ROBO2: variants seen among roughly 807,000 people sequenced by gnomAD.
ROBO2 encodes the protein roundabout homolog 2.
Under a neutral mutation model 160.8 loss-of-function variants are expected in ROBO2, and 53 were observed. That is an observed-to-expected ratio of 0.33 (90% CI 0.26 to 0.41). The LOEUF is 0.41. Among genes scored for constraint, ROBO2 ranks in the 10% least tolerant of loss-of-function variants. The probability of loss-of-function intolerance (pLI) is 1.00; values close to 1 mark genes in which losing one functional copy is unlikely to be tolerated. For synonymous variants in ROBO2, 664 were observed against 611.7 expected (o/e 1.09, Z -1.26); for missense variants, 1,577 against 1,722.4 (o/e 0.92, Z 1.49).
At position 77,553,961 on chromosome 3, in the gene ROBO2, A is replaced by T. The variant is rs531645656; in HGVS notation, c.1231+2972A>T. 7.2e-5 allele frequency among the ~76,000 whole-genome samples: 11 copies of T among 152,126 alleles called. No individual in the cohort carries two copies. In the East Asian group the frequency reaches 2.1e-3, roughly 30 times the overall value. On this transcript the variant is annotated intron_variant, in intron 8 of 25. Transcript: ENST00000461745. Reference sequence around the variant, plus strand: ...CTAAACAGATTTTCAATGTAGACAAAGCATGCATATATTGAAAGAAGATGT... The same window carrying T: ...CTAAACAGATTTTCAATGTAGACAATGCATGCATATATTGAAAGAAGATGT...
intron 2 of ROBO2, among the ~76,000 whole-genome samples, chr3:77,466,838 C>A (rs2082813024): frequency 6.6e-6 from 1 of 152,118 alleles, no homozygotes; most frequent in Admixed American, 6.5e-5. Flanking sequence ...TGTAATAATC[C>A]TTAGACTATT....
chr3:75,931,639 AC>A (rs560735288), intron 1 of ROBO2, among the ~76,000 whole-genome samples: 1 of 152,306 alleles, frequency 6.6e-6, no homozygotes, highest in South Asian at 2.1e-4. Flanking sequence ...GGCATAAGCC[AC>A]CACGCCCGGC....
intron 2 of ROBO2, among the ~76,000 whole-genome samples, chr3:76,923,956 G>C (rs2149007611): frequency 6.6e-6 from 1 of 152,288 alleles, no homozygotes; most frequent in Non-Finnish European, 1.5e-5. Context: ...AGGTAAATTG[G>C]AATCAATAGA....
intron 2 of ROBO2, among the ~76,000 whole-genome samples, chr3:76,135,524 T>C (rs2071397381): frequency 6.6e-6 from 1 of 152,140 alleles, no homozygotes; most frequent in Non-Finnish European, 1.5e-5. Context: ...CCACTCAACA[T>C]ATAATTTTGT....
chr3:76,605,950 C>T (rs758817467), intron 2 of ROBO2, among the ~76,000 whole-genome samples: 4 of 152,132 alleles, frequency 2.6e-5, no homozygotes, highest in African/African-American at 4.8e-5. Flanking sequence ...TTCAAGGATG[C>T]GGTAGACAGG....
intron 2 of ROBO2, among the ~76,000 whole-genome samples, chr3:77,458,991 A>G (rs142964765): frequency 0.01 from 1,592 of 152,274 alleles, 21 homozygotes; most frequent in Non-Finnish European, 0.013. Context: ...CATTGTGAGT[A>G]TTCAATTGAC....
intron 2 of ROBO2, among the ~76,000 whole-genome samples, chr3:76,125,294 A>G (rs575057352): frequency 1.8e-4 from 27 of 152,242 alleles, no homozygotes; most frequent in African/African-American, 6.0e-4. Context: ...TGTGGGTAGC[A>G]CAACAGTGAA....
At chr3:76,853,589 CTATTATGTT>C (rs2069662160) in intron 2 of ROBO2, among the ~76,000 whole-genome samples, 1 of 151,974 alleles carries the variant, frequency 6.6e-6, no homozygotes. Flanking sequence ...TGGAGATAAC[CTATTATGTT>C]TATCAAATAT....
intron 2 of ROBO2, among the ~76,000 whole-genome samples, chr3:77,218,810 A>C (rs1176504814): frequency 6.6e-6 from 1 of 152,234 alleles, no homozygotes; most frequent in Non-Finnish European, 1.5e-5. Context: ...TTTACAATGG[A>C]AGTGCTACAG....
intron 2 of ROBO2, among the ~76,000 whole-genome samples, chr3:76,272,937 A>AT (rs1559706459): frequency 3.0e-4 from 7 of 23,342 alleles, no homozygotes; most frequent in African/African-American, 5.4e-4. Context: ...TTTATATATA[A>AT]ATATATAAAA....
At chr3:77,151,604 T>C (rs1309923390) in intron 2 of ROBO2, among the ~76,000 whole-genome samples, 1 of 152,178 alleles carries the variant, frequency 6.6e-6, no homozygotes, top group Admixed American at 6.5e-5. Context: ...TACAACTTGA[T>C]TTGCTGTTCA....
intron 2 of ROBO2, among the ~76,000 whole-genome samples, chr3:76,272,864 A>AACATATATAATATATATTTATATAT (rs1707592305): frequency 1.1e-5 from 1 of 87,038 alleles, no homozygotes; most frequent in Non-Finnish European, 2.0e-5. Flanking sequence ...TAAAATATAT[A>AACATATATAATATATATTTATATAT]AAATATATAA....
chr3:76,644,331 G>A (rs923851626), intron 2 of ROBO2, among the ~76,000 whole-genome samples: 8 of 147,800 alleles, frequency 5.4e-5, no homozygotes, highest in Non-Finnish European at 1.0e-4. Flanking sequence ...GGGTAAAAAA[G>A]CCTATAAACA....
chr3:75,928,551 G>A (rs1299293795), intron 1 of ROBO2, among the ~76,000 whole-genome samples: 1 of 152,142 alleles, frequency 6.6e-6, no homozygotes, highest in East Asian at 1.9e-4. Flanking sequence ...AAGTTCATCA[G>A]TCCTGGGTTA....
chr3:76,725,482 A>C (rs169121), intron 2 of ROBO2, among the ~76,000 whole-genome samples: 85,603 of 151,940 alleles, frequency 0.56, 25,297 homozygotes, highest in Non-Finnish European at 0.66. Context: ...AAGTGATTAT[A>C]CTTGTCTCTA....
In ROBO2 at chr3:76,123,022, C is replaced by G. The variant is rs142788609; in HGVS notation, c.109+185420C>G. Among the ~76,000 whole-genome samples the G allele has an allele frequency of 2.5e-3, 373 of 152,238 alleles. 1 individual carries two copies. The highest frequency in any genetic ancestry group is 7.5e-3 in the African/African-American group (310 of 41,570). On this transcript the variant is annotated intron_variant, in intron 2 of 26. Coordinates refer to the ROBO2 transcript ENST00000487694. The stretch of plus-strand genomic sequence containing the variant: ...TCGGCCTCCCAAAGTGTTGGGATTA[C>G]AGGCATGAGCCACCGTGCCCGACCT...
At chr3:76,304,084 T>C (rs2071206651) in intron 2 of ROBO2, among the ~76,000 whole-genome samples, 1 of 152,254 alleles carries the variant, frequency 6.6e-6, no homozygotes, top group South Asian at 2.1e-4. Context: ...CACATTGTAA[T>C]TGAAGTATTT....
intron 2 of ROBO2, among the ~76,000 whole-genome samples, chr3:76,751,160 A>G (rs991043938): frequency 4.6e-5 from 7 of 152,188 alleles, no homozygotes; most frequent in Admixed American, 3.9e-4. Flanking sequence ...TAACCATCTG[A>G]TCTTTGATAA....
intron 2 of ROBO2, among the ~76,000 whole-genome samples, chr3:76,626,605 A>C (rs1241049326): frequency 3.9e-5 from 6 of 152,228 alleles, no homozygotes; most frequent in Non-Finnish European, 7.3e-5. Context: ...TACAGTGATA[A>C]CAGCAATAAA....
Sources: gnomAD v4.1 joint callset for allele counts (sites outside exome capture counted in the v4.1 genomes callset) on GRCh38, gnomAD v4.1.1 for gene constraint, MANE v1.5 for transcripts, NCBI Gene and HGNC (gene_info 2026-07-23, HGNC 2026-07-21) for gene names.